Variants in RBFOX1 observed in about 807,000 individuals in gnomAD.
RBFOX1 encodes RNA binding fox-1 homolog 1.
A neutral mutation model predicts 57.7 loss-of-function variants in RBFOX1; 8 were observed. That is an observed-to-expected ratio of 0.14 (90% CI 0.08 to 0.25). RBFOX1 has a LOEUF of 0.25. Ranked by LOEUF, RBFOX1 falls within the 10% of genes least tolerant of loss-of-function variation. The pLI is 1.00. For missense variants in RBFOX1, 611 were observed against 548.5 expected (o/e 1.11, Z -1.14); for synonymous variants, 326 against 222.4 (o/e 1.47, Z -4.15).
chr16:6,870,458 A>G (rs755870965), intron 3 of RBFOX1, among the ~76,000 whole-genome samples: 3 of 152,182 alleles, frequency 2.0e-5, no homozygotes, highest in Non-Finnish European at 2.9e-5. Context: ...TAGTTGACAC[A>G]CGTCTGGCTA....
intron 2 of RBFOX1, among the ~76,000 whole-genome samples, chr16:6,615,485 G>T (rs1287358253): frequency 2.6e-5 from 4 of 151,822 alleles, no homozygotes; most frequent in African/African-American, 9.7e-5. Context: ...CAGAAGAATT[G>T]CTTGAACCCA....
At chr16:6,796,881 C>G (rs573843246) in intron 3 of RBFOX1, among the ~76,000 whole-genome samples, 1 of 152,216 alleles carries the variant, frequency 6.6e-6, no homozygotes, top group Admixed American at 6.5e-5. Context: ...TTGTCTTGTT[C>G]TTTGTTAAAT....
chr16:6,752,590 ACTT>A (rs767967532), intron 3 of RBFOX1, among the ~76,000 whole-genome samples: 5 of 152,104 alleles, frequency 3.3e-5, no homozygotes, highest in Admixed American at 6.6e-5. Flanking sequence ...AACTTTGTAA[ACTT>A]CTTTAAGCTT....
At chr16:7,610,118 C>CTTTTTTTTTTTTT (rs34468596) in intron 10 of RBFOX1, among the ~76,000 whole-genome samples, 759 of 65,574 alleles carry the variant, frequency 0.012, 89 homozygotes, top group East Asian at 0.016. Flanking sequence ...GCCCGGCCCC[C>CTTTTTTTTTTTTT]TTTTTTTTTT....
intron 3 of RBFOX1, among the ~76,000 whole-genome samples, chr16:6,670,687 T>G (rs2098758445): frequency 6.6e-6 from 1 of 152,040 alleles, no homozygotes; most frequent in African/African-American, 2.4e-5. Flanking sequence ...CCCATATTGG[T>G]GATGTTGCTA....
rs377536484 is a variant in RBFOX1 at position 5,946,592 on chromosome 16, C to T, written c.351+79257C>T. ...GGGTGTTCCTGAGTTATATCCTTTA[C>T]GATATACCGGTAATAGTAATTTCCT... is the stretch of plus-strand genomic sequence containing the variant. On this transcript the variant is annotated intron_variant, in intron 4 of 19. Transcript: ENST00000641259. This position sits in a 1 kb window ranked among gnomAD's most constrained non-coding sequence, Gnocchi z 4.6. 1.6e-4 allele frequency among the ~76,000 whole-genome samples: 25 copies of T among 152,266 alleles called. No homozygotes were observed. Among genetic ancestry groups the T allele is most frequent in the African/African-American group, 2.2e-4 (9 of 41,550 alleles).
At chr16:6,717,651 A>G (rs898704327) in intron 3 of RBFOX1, among the ~76,000 whole-genome samples, 1 of 151,570 alleles carries the variant, frequency 6.6e-6, no homozygotes, top group Non-Finnish European at 1.5e-5. Context: ...ACTCTCTGTC[A>G]GCTCAGCAAG....
intron 3 of RBFOX1, among the ~76,000 whole-genome samples, chr16:6,941,784 T>C (rs977497714): frequency 2.0e-5 from 3 of 152,166 alleles, no homozygotes; most frequent in African/African-American, 7.2e-5. Flanking sequence ...GGTGAACTCA[T>C]ACTCACCCTA....
intron 4 of RBFOX1, among the ~76,000 whole-genome samples, chr16:7,346,634 G>T (rs1443803098): frequency 4.0e-5 from 6 of 151,808 alleles, no homozygotes; most frequent in Non-Finnish European, 7.4e-5. Flanking sequence ...GTGGCCCACG[G>T]GCATTGCTTC....
intron 2 of RBFOX1, among the ~76,000 whole-genome samples, chr16:6,557,663 G>C (rs1006266121): frequency 6.6e-6 from 1 of 152,206 alleles, no homozygotes; most frequent in African/African-American, 2.4e-5. Context: ...TGGAGAAGGG[G>C]AAAATGCTCC....
intron 3 of RBFOX1, among the ~76,000 whole-genome samples, chr16:6,683,153 C>T (rs2058924779): frequency 6.6e-6 from 1 of 151,984 alleles, no homozygotes; most frequent in Non-Finnish European, 1.5e-5. Flanking sequence ...GCGTATTTTC[C>T]TTGGGCATTA....
chr16:5,413,000 C>T (rs184525397), intron 1 of RBFOX1, among the ~76,000 whole-genome samples: 1 of 152,316 alleles, frequency 6.6e-6, no homozygotes, highest in Admixed American at 6.5e-5. Flanking sequence ...GCCGTGCCTT[C>T]CTGGTGACAG....
At chr16:6,973,912 T>G (rs2086169754) in intron 3 of RBFOX1, among the ~76,000 whole-genome samples, 1 of 152,200 alleles carries the variant, frequency 6.6e-6, no homozygotes, top group Non-Finnish European at 1.5e-5. Flanking sequence ...CATTAGCTTT[T>G]ATCCCTAATG....
intron 3 of RBFOX1, among the ~76,000 whole-genome samples, chr16:5,805,722 G>C (rs1028538450): frequency 7.2e-5 from 11 of 152,190 alleles, no homozygotes; most frequent in African/African-American, 2.7e-4. Context: ...TGACATGAAT[G>C]TGGCTTTCAG....
At chr16:6,990,941 C>T (rs532967996) in intron 3 of RBFOX1, among the ~76,000 whole-genome samples, 11 of 151,966 alleles carry the variant, frequency 7.2e-5, no homozygotes, top group Non-Finnish European at 1.6e-4. Flanking sequence ...ATGAGAACCA[C>T]CACATTGTTC....
At chr16:7,123,774 C>G (rs1441419268) in intron 4 of RBFOX1, among the ~76,000 whole-genome samples, 1 of 152,042 alleles carries the variant, frequency 6.6e-6, no homozygotes, top group East Asian at 1.9e-4. Context: ...CTATAGATTA[C>G]TAATAATTTA....
chr16:5,973,713 A>C (rs2060008158), intron 4 of RBFOX1, among the ~76,000 whole-genome samples: 1 of 152,246 alleles, frequency 6.6e-6, no homozygotes, highest in Non-Finnish European at 1.5e-5. Context: ...TGTTCTAAAC[A>C]ATAATACATT....
intron 3 of RBFOX1, among the ~76,000 whole-genome samples, chr16:6,674,530 C>T (rs533057088): frequency 6.6e-6 from 1 of 152,110 alleles, no homozygotes; most frequent in African/African-American, 2.4e-5. Context: ...TCATGTTGAT[C>T]AGGATGGTGT....
At chr16:6,905,552 CAAAAAA>C (rs55769867) in intron 3 of RBFOX1, among the ~76,000 whole-genome samples, 2 of 143,358 alleles carry the variant, frequency 1.4e-5, no homozygotes, top group Admixed American at 1.4e-4. Context: ...GACTCCATCT[CAAAAAA>C]AAAAAAAAGT....
Sources: allele counts gnomAD v4.1 joint callset (sites outside exome capture counted in the v4.1 genomes callset), GRCh38; gene constraint gnomAD v4.1.1; non-coding constraint Gnocchi (gnomAD v3.1); transcripts MANE v1.5; gene names NCBI Gene and HGNC (gene_info 2026-07-23, HGNC 2026-07-21).